Variants in CDK5RAP3 observed in about 807,000 individuals in gnomAD.
CDK5RAP3 encodes CDK5 regulatory subunit associated protein 3.
A neutral mutation model predicts 73.3 loss-of-function variants in CDK5RAP3; 58 were observed. That is an observed-to-expected ratio of 0.79 (90% confidence interval 0.64 to 0.98). The LOEUF is 0.98. Ranked by LOEUF, CDK5RAP3 falls within the 50% of genes least tolerant of loss-of-function variation. The pLI, the probability that CDK5RAP3 is intolerant of heterozygous loss-of-function variation, is 0.00. For synonymous variants in CDK5RAP3, 224 were observed against 247.5 expected (o/e 0.91, Z 0.89); for missense variants, 525 against 615.8 (o/e 0.85, Z 1.56).
At chr17:47,979,179 A>G in intron 11 of CDK5RAP3, 1 of 421,568 alleles carries the variant, frequency 2.4e-6, no homozygotes, top group Non-Finnish European at 4.3e-6. Flanking sequence ...TGGAGCTTAT[A>G]TTCTAATGGG....
chr17:47,976,966 C>G (rs2144232115), intron 9 of CDK5RAP3, 144 bp downstream of exon 9: 1 of 491,582 alleles, frequency 2.0e-6, no homozygotes. Context: ...TCACACGTCA[C>G]ATGTCAGAGT....
rs749530439 is a variant in CDK5RAP3, at chr17:47,977,847, G to A, written c.925G>A (p.Gly309Arg). 6 of 1,613,842 alleles carry A rather than the reference G, an allele frequency of 3.7e-6. No individual in the cohort carries two copies. In the African/African-American group the frequency reaches 4.0e-5, roughly 11 times the overall value. Residue 309 changes from glycine to arginine, a missense_variant, in exon 10 of 14, where the codon GGG (glycine) becomes AGG (arginine). Physicochemically the swap from Gly to Arg is moderately radical, Grantham distance 125 (BLOSUM62 -2). Transcript: ENST00000338399. ...CTCCTTCCAGGATCCTGGAGGTGAT[G>A]GGATAGACTGGGGAGACGATGCTGT... ...ESDSKDPGGD[G>R]IDWGDDAVAL...
At chr17:47,973,853 A>G in intron 3 of CDK5RAP3, 78 bp from the exon 4 acceptor site, 3 of 1,261,962 alleles carry the variant, frequency 2.4e-6, no homozygotes, top group East Asian at 2.3e-5. Context: ...TATATTATAC[A>G]TGAATCAGCC....
chr17:47,979,091 G>A (rs2036494089), intron 11 of CDK5RAP3, 174 bp downstream of exon 11: 1 of 600,568 alleles, frequency 1.7e-6, no homozygotes, highest in Admixed American at 2.7e-5. Flanking sequence ...TACTTATCAG[G>A]TACCTCCTAG....
rs936831097 is a variant in CDK5RAP3 at position 47,973,836 on chromosome 17, C to T, written c.185-95C>T. 1.1e-5 allele frequency: 13 copies of T among 1,178,928 alleles called. No homozygotes were observed. The African/African-American group carries it at 2.0e-4, about 18-fold the overall frequency. 73.0% of individuals were successfully genotyped at this position (1,178,928 alleles called of 1,614,324 possible). A position where few individuals can be genotyped will look rare whatever the true frequency, so the allele number is the denominator to read the frequency against. On this transcript the variant is annotated intron_variant, in intron 3 of 13. Coordinates refer to ENST00000338399, the MANE Select transcript of CDK5RAP3 (RefSeq NM_176096.3). ...AGGGAAAAGCTACACACTAAAGTTA[C>T]TGGCAGTATATTATACATGAATCAG...
intron 5 of CDK5RAP3, chr17:47,974,788 C>T (rs537637238): frequency 3.1e-5 from 40 of 1,275,814 alleles, no homozygotes; most frequent in Non-Finnish European, 3.9e-5. Context: ...AGAAGAGGCA[C>T]GGGTTTTTCT....
upstream of CDK5RAP3, chr17:47,970,982 T>G (rs1347382540): frequency 2.7e-6 from 4 of 1,469,678 alleles, no homozygotes; most frequent in Non-Finnish European, 3.6e-6. Context: ...GGGCGGGGCT[T>G]GAGGCCTGAG....
chr17:47,980,206 C>T (rs1270572703), intron 11 of CDK5RAP3: 8 of 245,648 alleles, frequency 3.3e-5, no homozygotes, highest in East Asian at 1.1e-4. Context: ...TTTTGCATTT[C>T]GAGTAGTCCG....
In CDK5RAP3 at chr17:47,977,922, A is replaced by G. The variant is rs1003176854; in HGVS notation, c.988+12A>G. ...AGCAGGAACCCAGGGTAAGTGCACC[A>G]TCCCCTGCAGCCCTGGCAAAAGTGG... On this transcript the variant is annotated intron_variant, in intron 10 of 13. Coordinates refer to ENST00000338399, the MANE Select transcript of CDK5RAP3 (RefSeq NM_176096.3). The G allele has an allele frequency of 6.2e-7, 1 of 1,612,960 alleles. No homozygotes were observed. Among genetic ancestry groups the G allele is most frequent in the African/African-American group, 1.3e-5 (1 of 74,988 alleles).
At chr17:47,970,742 C>G (rs2036239489), upstream of CDK5RAP3, 1 of 1,532,446 alleles carries the variant, frequency 6.5e-7, no homozygotes, top group Admixed American at 2.0e-5. Context: ...AACGGCCTCC[C>G]AGATCGGCGC....
intron 11 of CDK5RAP3, 130 bp downstream of exon 11, chr17:47,979,047 G>T (rs1598229140): frequency 1.4e-6 from 1 of 697,522 alleles, no homozygotes; most frequent in Non-Finnish European, 2.6e-6. Context: ...TACAGCAGGA[G>T]CCTCACGTAT....
chr17:47,968,782 C>T (rs559385995), upstream of CDK5RAP3, among the ~76,000 whole-genome samples: 1 of 152,266 alleles, frequency 6.6e-6, no homozygotes, highest in East Asian at 1.9e-4. Context: ...TCCCAAAGTG[C>T]CGAGATTACA....
At chr17:47,969,408 T>A (rs2036220052), upstream of CDK5RAP3, among the ~76,000 whole-genome samples, 1 of 151,436 alleles carries the variant, frequency 6.6e-6, no homozygotes, top group African/African-American at 2.4e-5. Flanking sequence ...TACAAAAAAA[T>A]TAGCCGGGCG....
At position 47,974,830 on chromosome 17, in the gene CDK5RAP3, A is replaced by G; in HGVS notation, c.335-329A>G. The G allele has an allele frequency of 3.9e-6, 5 of 1,295,096 alleles. No homozygotes were observed. The African/African-American group carries it at 7.5e-5, about 19-fold the overall frequency. 80.2% of individuals were successfully genotyped at this position (1,295,096 alleles called of 1,614,324 possible). On this transcript the variant is annotated intron_variant, in intron 5 of 13. Coordinates refer to ENST00000338399, the MANE Select transcript of CDK5RAP3 (RefSeq NM_176096.3). ...GAATATCAAGTGCCTGAGAGCAACT[A>G]CAGGACTAACTGTGTTTGGGTTGGG...
chr17:47,970,661 A>G, upstream of CDK5RAP3: 1 of 1,535,672 alleles, frequency 6.5e-7, no homozygotes, highest in South Asian at 1.2e-5. Context: ...GCAAAGCATG[A>G]CAAGTGCCAC....
chr17:47,980,939 G>A (rs1234210576), intron 12 of CDK5RAP3, 141 bp downstream of exon 12: 44 of 939,116 alleles, frequency 4.7e-5, no homozygotes, highest in Non-Finnish European at 7.0e-5. Flanking sequence ...GTTCTCTTTG[G>A]GACAAGAGGG....
rs2036382789 is a variant in CDK5RAP3, at chr17:47,975,524, T to A, written c.524T>A (p.Val175Asp). Residue 175 changes from valine to aspartate, a missense_variant, in exon 7 of 14, where the codon GTC becomes GAC. Physicochemically the swap from Val to Asp is radical, Grantham distance 152 (BLOSUM62 -3). Coordinates refer to ENST00000338399, the MANE Select transcript of CDK5RAP3 (RefSeq NM_176096.3). The part of the protein sequence containing the change: ...CKQYGITGEN[V>D]RGELLALVKD... The stretch of plus-strand genomic sequence containing the variant: ...TTCTCCCCTCTCTAGGGCGAAAATG[T>A]CCGAGGAGAACTGCTGGCCCTGGTG... 12 of 1,611,142 alleles carry A rather than the reference T, an allele frequency of 7.4e-6. No homozygotes were observed. The highest frequency in any genetic ancestry group is 1.0e-5 in the Non-Finnish European group (12 of 1,180,008).
At chr17:47,970,277 A>T (rs962279473), upstream of CDK5RAP3, among the ~76,000 whole-genome samples, 7 of 152,132 alleles carry the variant, frequency 4.6e-5, no homozygotes, top group Admixed American at 1.3e-4. Flanking sequence ...TCGCTGCCTC[A>T]AACCATCTAC....
chr17:47,970,979 G>A, upstream of CDK5RAP3: 2 of 1,467,858 alleles, frequency 1.4e-6, no homozygotes, highest in East Asian at 5.0e-5. Flanking sequence ...GGTGGGCGGG[G>A]CTTGAGGCCT....
Sources: allele counts gnomAD v4.1 joint callset (sites outside exome capture counted in the v4.1 genomes callset), GRCh38; gene constraint gnomAD v4.1.1; transcripts MANE v1.5; gene names NCBI Gene and HGNC (gene_info 2026-07-23, HGNC 2026-07-21).